IL17RB: variants seen among roughly 807,000 people sequenced by gnomAD.
IL17RB encodes interleukin-17 receptor B.
A neutral mutation model predicts 43.9 loss-of-function variants in IL17RB; 36 were observed. That is an observed-to-expected ratio of 0.82 (90% CI 0.63 to 1.08). The LOEUF (loss-of-function observed/expected upper bound fraction) is 1.08. Among genes scored for constraint, IL17RB ranks in the 50% least tolerant of loss-of-function variants. The pLI is 0.00. For missense variants in IL17RB, 613 were observed against 613.6 expected (o/e 1.00, Z 0.01); for synonymous variants, 225 against 225.4 (o/e 1.00, Z 0.02).
rs746687769 is a variant in IL17RB, at chr3:53,849,808, C to A, written c.226+13C>A. ...CTCCGGGCAGATGGTAAGTTTGCAT[C>A]CATCAGAGATAAGGCCCAAAGTGTC... On this transcript the variant is annotated intron_variant, in intron 3 of 10. Transcript: ENST00000288167. The A allele has an allele frequency of 6.3e-7, 1 of 1,588,514 alleles. No homozygotes were observed. The highest frequency in any genetic ancestry group is 1.1e-5 in the South Asian group (1 of 88,390).
intron 10 of IL17RB, among the ~76,000 whole-genome samples, chr3:53,862,319 G>A (rs1287190919): frequency 6.6e-6 from 1 of 152,166 alleles, no homozygotes; most frequent in African/African-American, 2.4e-5. Flanking sequence ...GGAAAGGATT[G>A]TCAACACTAT....
intron 6 of IL17RB, among the ~76,000 whole-genome samples, chr3:53,856,090 G>A (rs1417188226): frequency 2.6e-5 from 4 of 152,170 alleles, no homozygotes; most frequent in Admixed American, 2.6e-4. Context: ...AGATTTGGAC[G>A]CTGAGCTTCC....
chr3:53,864,985 C>T lies in IL17RB; in HGVS notation c.1186C>T (p.Leu396Phe). The T allele has an allele frequency of 2.5e-6, 4 of 1,614,180 alleles. No individual in the cohort carries two copies. The highest frequency in any genetic ancestry group is 2.5e-6 in the Non-Finnish European group (3 of 1,180,030). Reference protein sequence around the residue: ...KKAADKVVFLLSNDVNSVCDG... With the variant: ...KKAADKVVFLFSNDVNSVCDG... ...GGCAGCAGACAAAGTCGTCTTCCTT[C>T]TTTCCAATGACGTCAACAGTGTGTG... is the stretch of plus-strand genomic sequence containing the variant. Residue 396 changes from leucine (L) to phenylalanine (F), a missense_variant, in exon 11 of 11, where the codon CTT (leucine) becomes TTT (phenylalanine). Leu to Phe is a conservative substitution (Grantham distance 22). Transcript: ENST00000288167.
intron 7 of IL17RB, among the ~76,000 whole-genome samples, chr3:53,857,412 A>G (rs1699379103): frequency 6.6e-6 from 1 of 152,096 alleles, no homozygotes; most frequent in African/African-American, 2.4e-5. Context: ...CAGCCTCCCC[A>G]GATAGCTGGG....
At chr3:53,864,254 A>G (rs1264639811) in intron 10 of IL17RB, among the ~76,000 whole-genome samples, 1 of 152,232 alleles carries the variant, frequency 6.6e-6, no homozygotes, top group Non-Finnish European at 1.5e-5. Context: ...TTAAGGTTTA[A>G]GGCAGGGTGC....
chr3:53,857,561 A>C (rs1251134590), intron 7 of IL17RB, 55 bp from the exon 8 acceptor site: 1 of 1,513,122 alleles, frequency 6.6e-7, no homozygotes, highest in Non-Finnish European at 9.2e-7. Flanking sequence ...TTGGGATTAC[A>C]GGGGTGAGCC....
At chr3:53,858,453 C>A in intron 8 of IL17RB, 1 of 1,278,168 alleles carries the variant, frequency 7.8e-7, no homozygotes. Context: ...ATGACCTAGC[C>A]CTTTTAGGTA....
chr3:53,856,442 G>C (rs1342849654), intron 6 of IL17RB, among the ~76,000 whole-genome samples: 1 of 152,222 alleles, frequency 6.6e-6, no homozygotes, highest in African/African-American at 2.4e-5. Context: ...AGTGGTTGTA[G>C]TCCTGATTGT....
chr3:53,849,573 G>T, intron 2 of IL17RB, 82 bp from the exon 3 acceptor site: 1 of 1,250,512 alleles, frequency 8.0e-7, no homozygotes, highest in Non-Finnish European at 1.1e-6. Flanking sequence ...GGGAAGGTTT[G>T]GTGTGAGTCA....
rs775531257 is a variant in IL17RB at position 53,864,786 on chromosome 3, GC to G, written c.993del (p.Ile332LeufsTer42). ...KTSFSTTTLL[P>X]PIKVLVVYPS... ...CTTCCTTTTCTACCACCACACTACTGCCCCCCATTAAGGTTCTTGTGGTTTA... is the reference window on the plus strand; with the variant it reads ...CTTCCTTTTCTACCACCACACTACTGCCCCCATTAAGGTTCTTGTGGTTTA... On this transcript the variant is annotated frameshift_variant, in exon 11 of 11. Transcript: ENST00000288167. LOFTEE classifies it low-confidence loss of function (END_TRUNC). 36 of 1,613,348 alleles carry G rather than the reference GC, an allele frequency of 2.2e-5. No homozygotes were observed. The highest frequency in any genetic ancestry group is 2.8e-5 in the Non-Finnish European group (33 of 1,179,870).
At position 53,857,648 on chromosome 3, in the gene IL17RB, G is replaced by A. The variant is rs1188299607; in HGVS notation, c.705G>A (p.Val235=). The A allele has an allele frequency of 3.1e-6, 5 of 1,614,064 alleles. No individual in the cohort carries two copies. The highest frequency in any genetic ancestry group is 8.5e-7 in the Non-Finnish European group (1 of 1,180,040). Residue 235 remains valine, a synonymous_variant, in exon 8 of 11, where the codon GTG becomes GTA. Coordinates refer to ENST00000288167, the MANE Select transcript of IL17RB (RefSeq NM_018725.4). ...AGAAGAAACAAACGCGAGCTTCAGT[G>A]GTGATTCCAGTGACTGGGGATAGTG... The part of the protein sequence containing the change: ...PHQKKQTRAS[V]VIPVTGDSEG...
intron 3 of IL17RB, among the ~76,000 whole-genome samples, chr3:53,851,056 A>G (rs1163802774): frequency 3.9e-5 from 6 of 152,200 alleles, no homozygotes; most frequent in African/African-American, 1.4e-4. Flanking sequence ...ACTGGCTTAG[A>G]TAGATTACTT....
rs1699068759 is a variant in IL17RB, at chr3:53,849,792, G to A, written c.223G>A (p.Asp75Asn). The A allele has an allele frequency of 1.3e-6, 2 of 1,598,264 alleles. No individual in the cohort carries two copies. Among genetic ancestry groups the A allele is most frequent in the African/African-American group, 1.3e-5 (1 of 74,478 alleles). Residue 75 changes from aspartate to asparagine, a missense_variant, in exon 3 of 11, where the codon GAT becomes AAT. Physicochemically the swap from Asp to Asn is conservative, Grantham distance 23. Coordinates refer to ENST00000288167, the MANE Select transcript of IL17RB (RefSeq NM_018725.4). The part of the protein sequence containing the change: ...LMNVSWVLRA[D>N]ASIRLLKATK... ...GAATGTAAGCTGGGTACTCCGGGCAGATGGTAAGTTTGCATCCATCAGAGA... is the reference window on the plus strand; with the variant it reads ...GAATGTAAGCTGGGTACTCCGGGCAAATGGTAAGTTTGCATCCATCAGAGA...
At chr3:53,857,385 A>G (rs925311168) in intron 7 of IL17RB, among the ~76,000 whole-genome samples, 2 of 152,086 alleles carry the variant, frequency 1.3e-5, no homozygotes, top group African/African-American at 2.4e-5. Context: ...TCCCGGGCTC[A>G]AGTGATCCTC....
At chr3:53,859,552 G>A (rs903112330) in intron 9 of IL17RB, 2 of 152,482 alleles carry the variant, frequency 1.3e-5, no homozygotes, top group African/African-American at 4.8e-5. Context: ...ATGTATGTCA[G>A]TCTAACAAGA....
rs763951825 is a variant in IL17RB at position 53,864,787 on chromosome 3, C to T, written c.988C>T (p.Pro330Ser). 5 of 1,613,112 alleles carry T rather than the reference C, an allele frequency of 3.1e-6. No homozygotes were observed. In the Admixed American group the frequency reaches 5.0e-5, roughly 16 times the overall value. Residue 330 changes from proline to serine, a missense_variant, in exon 11 of 11, where the codon CCC (proline) becomes TCC (serine). Physicochemically the swap from Pro to Ser is moderately conservative, Grantham distance 74 (BLOSUM62 -1). Transcript: ENST00000288167. ...TTCCTTTTCTACCACCACACTACTG[C>T]CCCCCATTAAGGTTCTTGTGGTTTA... ...KTSFSTTTLLPPIKVLVVYPS... is the reference protein window; with the variant it reads ...KTSFSTTTLLSPIKVLVVYPS...
chr3:53,852,195 G>A, intron 4 of IL17RB, 69 bp downstream of exon 4: 2 of 1,419,558 alleles, frequency 1.4e-6, no homozygotes, highest in Non-Finnish European at 2.0e-6. Flanking sequence ...AGGCTGGAGT[G>A]CAGTGGTGCG....
chr3:53,854,052 A>G (rs1265970755), intron 5 of IL17RB, among the ~76,000 whole-genome samples: 1 of 151,980 alleles, frequency 6.6e-6, no homozygotes, highest in Non-Finnish European at 1.5e-5. Context: ...ATGAGCCACC[A>G]CACCCAGCTA....
At position 53,865,254 on chromosome 3, in the gene IL17RB, G is replaced by A. The variant is rs1178050782; in HGVS notation, c.1455G>A (p.Gln485=). 1.9e-6 allele frequency: 3 copies of A among 1,611,772 alleles called. No individual in the cohort carries two copies. In the African/African-American group the frequency reaches 4.0e-5, roughly 22 times the overall value. The change falls in exon 11 of 11, where the codon CAG becomes CAA. Residue 485 remains glutamine (Q), a synonymous_variant. Coordinates refer to ENST00000288167, the MANE Select transcript of IL17RB (RefSeq NM_018725.4). ...FCAELLHVKQ[Q]VSAGKRSQAC... Reference sequence around the variant, plus strand: ...CAGAACTTCTCCATGTCAAGCAGCAGGTGTCAGCAGGAAAAAGATCACAAG... The same window carrying A: ...CAGAACTTCTCCATGTCAAGCAGCAAGTGTCAGCAGGAAAAAGATCACAAG...
Sources: allele counts gnomAD v4.1 joint callset (sites outside exome capture counted in the v4.1 genomes callset), GRCh38; gene constraint gnomAD v4.1.1; transcripts MANE v1.5; gene names NCBI Gene and HGNC (gene_info 2026-07-23, HGNC 2026-07-21).